Variants in KDELR1 observed in about 807,000 individuals in gnomAD.
KDELR1 encodes ER lumen protein-retaining receptor 1.
A neutral mutation model predicts 25.5 loss-of-function variants in KDELR1; 16 were observed. The ratio of observed to expected loss-of-function variants is 0.63; its 90% CI spans 0.43 to 0.95. The LOEUF (loss-of-function observed/expected upper bound fraction) is 0.95. Among genes scored for constraint, KDELR1 ranks in the 40% least tolerant of loss-of-function variants. KDELR1 has a pLI of 0.00. For synonymous variants in KDELR1, 121 were observed against 115.0 expected, an observed-to-expected ratio of 1.05 and a Z score of -0.33; for missense variants, 159 against 265.2, an observed-to-expected ratio of 0.60 and a Z score of 2.78.
chr19:48,392,524 C>G (rs1322989065), upstream of KDELR1, among the ~76,000 whole-genome samples: 1 of 152,212 alleles, frequency 6.6e-6, no homozygotes, highest in Non-Finnish European at 1.5e-5. Context: ...GTCCCACCCC[C>G]ACCATCTTAT....
chr19:48,385,687 C>G (rs1970490040), intron 3 of KDELR1, among the ~76,000 whole-genome samples: 1 of 152,192 alleles, frequency 6.6e-6, no homozygotes, highest in Non-Finnish European at 1.5e-5. Context: ...GAGAGCAAAG[C>G]CAGGTGGCAG....
At chr19:48,389,419 G>T in intron 3 of KDELR1, 134 bp downstream of exon 3, 1 of 943,030 alleles carries the variant, frequency 1.1e-6, no homozygotes, top group Non-Finnish European at 1.7e-6. Flanking sequence ...CAGAGCCCAT[G>T]CACTGAACTT....
chr19:48,392,426 C>G (rs1214548295), upstream of KDELR1, among the ~76,000 whole-genome samples: 1 of 151,150 alleles, frequency 6.6e-6, no homozygotes, highest in African/African-American at 2.4e-5. Flanking sequence ...ACCCAGGGGT[C>G]CAGGGCCCCA....
chr19:48,396,978 C>G, the KDELR1 span, among the ~76,000 whole-genome samples: 1 of 152,146 alleles, frequency 6.6e-6, no homozygotes, highest in South Asian at 2.1e-4. Flanking sequence ...GACCCAGGAG[C>G]CTGGCTCCCA....
rs539363334 is a variant in KDELR1 at position 48,391,296 on chromosome 19, G to A, written c.63C>T (p.Leu21=). 12 of 1,558,508 alleles carry A rather than the reference G, an allele frequency of 7.7e-6. No individual in the cohort carries two copies. The African/African-American group carries it at 9.5e-5, about 12-fold the overall frequency. The change falls in exon 1 of 5, where the codon CTC becomes CTT. Residue 21 remains leucine, a synonymous_variant. Transcript: ENST00000330720. ...SHLLAIILLL[L]KIWKSRSCAG... is the part of the protein sequence containing the mutation. ...CGCACGAGCGGGACTTCCAGATTTT[G>A]AGCAGTAGCAAGATGATGGCGAGGA... is the stretch of plus-strand genomic sequence containing the variant.
At chr19:48,397,313 C>T in the KDELR1 span, among the ~76,000 whole-genome samples, 1 of 152,012 alleles carries the variant, frequency 6.6e-6, no homozygotes, top group African/African-American at 2.4e-5. Flanking sequence ...CACCTGACCC[C>T]TTTTCCCTCT....
At chr19:48,392,586 G>T (rs913011268), upstream of KDELR1, among the ~76,000 whole-genome samples, 5 of 151,984 alleles carry the variant, frequency 3.3e-5, no homozygotes, top group African/African-American at 9.7e-5. Context: ...CTCCCTTTAC[G>T]ACCCACAGAT....
chr19:48,389,136 G>T (rs901849203), intron 3 of KDELR1, among the ~76,000 whole-genome samples: 1 of 152,104 alleles, frequency 6.6e-6, no homozygotes, highest in African/African-American at 2.4e-5. Flanking sequence ...AGAGCATGGT[G>T]ATGTGCACCT....
rs763801769 is a variant in KDELR1 at position 48,384,496 on chromosome 19, G to A, written c.352-14C>T. On this transcript the variant is annotated splice_polypyrimidine_tract_variant and intron_variant, in intron 3 of 4. Transcript: ENST00000330720. The surrounding 1 kb of genome is among the most constrained non-coding windows in gnomAD (Gnocchi z 4.6). Reference sequence around the variant, plus strand: ...GGTCCAGAGGATCTGCAGAGAGGCCGGGGACATGATGAGGTGGGAGGGGAC... The same window carrying A: ...GGTCCAGAGGATCTGCAGAGAGGCCAGGGACATGATGAGGTGGGAGGGGAC... 5.0e-6 allele frequency: 8 copies of A among 1,608,732 alleles called. No homozygotes were observed. The highest frequency in any genetic ancestry group is 2.2e-5 in the South Asian group (2 of 90,388).
the KDELR1 span, among the ~76,000 whole-genome samples, chr19:48,396,805 G>A: frequency 2.0e-5 from 3 of 152,028 alleles, no homozygotes; most frequent in Admixed American, 1.3e-4. Context: ...GGTGGACGAG[G>A]CCTGCGCTAC....
intron 2 of KDELR1, 145 bp downstream of exon 2, chr19:48,390,279 C>T (rs1970534172): frequency 5.1e-6 from 3 of 589,626 alleles, no homozygotes. Context: ...TCCCTCAGAC[C>T]CAAGAGTCCA....
chr19:48,386,471 G>A (rs2147420587), intron 3 of KDELR1, among the ~76,000 whole-genome samples: 1 of 123,256 alleles, frequency 8.1e-6, no homozygotes, highest in South Asian at 2.6e-4. Context: ...TTTTTGAGAT[G>A]GCGTCTTGCT....
intron 2 of KDELR1, 185 bp downstream of exon 2, chr19:48,390,239 G>C: frequency 4.7e-6 from 2 of 426,062 alleles, no homozygotes; most frequent in Admixed American, 4.1e-5. Context: ...TCCTCCCTCA[G>C]ACCCAGGAGT....
intron 1 of KDELR1, 125 bp from the exon 2 acceptor site, chr19:48,390,649 G>A (rs1970540653): frequency 4.3e-6 from 3 of 690,124 alleles, no homozygotes; most frequent in Middle Eastern, 4.1e-4. Flanking sequence ...AATAAACTAA[G>A]GCAGGGCGCC....
intron 3 of KDELR1, among the ~76,000 whole-genome samples, chr19:48,386,973 A>G (rs546488841): frequency 6.7e-6 from 1 of 149,812 alleles, no homozygotes; most frequent in Non-Finnish European, 1.5e-5. Flanking sequence ...CGGGACGCTG[A>G]GGCACGAGAA....
Position 48,391,533 on chromosome 19 carries a change from CGGAGCTGGA to C in KDELR1, c.-184_-176del. On this transcript the variant is annotated 5_prime_UTR_variant, in exon 1 of 5. Transcript: ENST00000330720. Reference sequence around the variant, plus strand: ...GGGGAGCAAAGGCTGGAGCTGGCGGCGGAGCTGGAGCCGGGAAGAGGGAGGAGAGCGAGA... The same window carrying C: ...GGGGAGCAAAGGCTGGAGCTGGCGGCGCCGGGAAGAGGGAGGAGAGCGAGA... 1.7e-6 allele frequency: 1 copy of C among 593,238 alleles called. No individual in the cohort carries two copies. The highest frequency in any genetic ancestry group is 3.0e-6 in the Non-Finnish European group (1 of 332,684). 36.7% of individuals were successfully genotyped at this position (593,238 alleles called of 1,614,324 possible).
chr19:48,388,668 G>A lies in KDELR1; in HGVS notation c.351+885C>T, dbSNP rs113229096. On this transcript the variant is annotated intron_variant, in intron 3 of 4. Coordinates refer to ENST00000330720, the MANE Select transcript of KDELR1 (RefSeq NM_006801.3). ...GCCACTGCCTCCAGTCTGGGCAACC[G>A]AGCGAGACTTTGTCGAAAGAGAAAG... is the stretch of plus-strand genomic sequence containing the variant. Among the ~76,000 whole-genome samples the A allele has an allele frequency of 5.6e-3, 853 of 151,038 alleles. 9 individuals are homozygous for A. The highest frequency in any genetic ancestry group is 0.02 in the African/African-American group (815 of 41,030).
In KDELR1 at chr19:48,390,563, CAGAGAGAGAGAGAG is replaced by C. The variant is rs575099358; in HGVS notation, c.92-53_92-40del. ...ACAGAGAAAGAGAGAGAGAGAGAGA[CAGAGAGAGAGAGAG>C]AGACAGACAGACAGACAGACAGACA... is the stretch of plus-strand genomic sequence containing the variant. On this transcript the variant is annotated intron_variant, in intron 1 of 4. Transcript: ENST00000330720. 2,461 of 980,022 alleles carry C rather than the reference CAGAGAGAGAGAGAG, an allele frequency of 2.5e-3. 7 individuals carry two copies. The highest frequency in any genetic ancestry group is 2.4e-3 in the Non-Finnish European group (1,603 of 663,008). 60.7% of individuals were successfully genotyped at this position (980,022 alleles called of 1,614,324 possible).
chr19:48,395,016 G>C (rs1217700662), upstream of KDELR1: 1 of 152,532 alleles, frequency 6.6e-6, no homozygotes, highest in East Asian at 1.9e-4. Context: ...TTGGCAAGAA[G>C]CCTCGTGGAG....
Sources: allele counts gnomAD v4.1 joint callset (sites outside exome capture counted in the v4.1 genomes callset), GRCh38; gene constraint gnomAD v4.1.1; non-coding constraint Gnocchi (gnomAD v3.1); transcripts MANE v1.5; gene names NCBI Gene and HGNC (gene_info 2026-07-23, HGNC 2026-07-21).